Variants in JAK1 observed in about 807,000 individuals in gnomAD.
JAK1 encodes the protein tyrosine-protein kinase JAK1.
Under a neutral mutation model 136.6 loss-of-function variants are expected in JAK1, and 16 were observed. That is an observed-to-expected ratio of 0.12 (90% CI 0.08 to 0.18). JAK1 has a LOEUF of 0.18. JAK1 is among the 10% of genes least tolerant of loss of function. JAK1 has a pLI of 1.00. For synonymous variants in JAK1, 492 were observed against 519.5 expected (o/e 0.95, Z 0.72); for missense variants, 859 against 1,450.1 (o/e 0.59, Z 6.62).
At chr1:64,846,007 G>A (rs1278548603) in intron 14 of JAK1, among the ~76,000 whole-genome samples, 1 of 152,234 alleles carries the variant, frequency 6.6e-6, no homozygotes, top group African/African-American at 2.4e-5. Flanking sequence ...GTGATGCAGA[G>A]GTCAGGCCGC....
At chr1:64,942,534 T>C (rs1446617672) in intron 1 of JAK1, among the ~76,000 whole-genome samples, 1 of 152,246 alleles carries the variant, frequency 6.6e-6, no homozygotes, top group Non-Finnish European at 1.5e-5. Flanking sequence ...AAACTGATCT[T>C]ACATGGAAAA....
intron 7 of JAK1, 111 bp from the exon 8 acceptor site, chr1:64,865,083 AG>A: frequency 1.3e-6 from 1 of 798,034 alleles, no homozygotes; most frequent in South Asian, 1.8e-5. Context: ...AGGAAGAGAA[AG>A]CCAGCTCTTC....
rs9782884 is a variant in JAK1, at chr1:65,033,540, G to C, written c.-78+10940C>G. Among the ~76,000 whole-genome samples, 1,380 of 151,838 alleles carry C rather than the reference G, an allele frequency of 9.1e-3. 15 individuals are homozygous for C. Among genetic ancestry groups the C allele is most frequent in the African/African-American group, 0.032 (1,313 of 41,390 alleles). On this transcript the variant is annotated intron_variant, in intron 2 of 25. Coordinates refer to the JAK1 transcript ENST00000671954. ...CTGAATACAACTCTTAAATTATATA[G>C]TATCTGATTTCATGAACAAATTCAG... is the stretch of plus-strand genomic sequence containing the variant.
At chr1:64,919,826 A>C (rs1645464637) in intron 1 of JAK1, among the ~76,000 whole-genome samples, 1 of 152,082 alleles carries the variant, frequency 6.6e-6, no homozygotes, top group African/African-American at 2.4e-5. Flanking sequence ...TACTATAAAA[A>C]CAATAATGGT....
At chr1:65,011,756 T>C (rs78693554) in intron 2 of JAK1, among the ~76,000 whole-genome samples, 1,625 of 152,246 alleles carry the variant, frequency 0.011, 30 homozygotes, top group African/African-American at 0.037. Context: ...CTCTTCCTGT[T>C]CTAGTGGATG....
Position 64,844,030 on chromosome 1 carries a change from C to A in JAK1, c.2403+34G>T, listed in dbSNP as rs1408364670. On this transcript the variant is annotated intron_variant, in intron 17 of 24. Transcript: ENST00000342505. This position sits in a 1 kb window ranked among gnomAD's most constrained non-coding sequence, Gnocchi z 5.7. ...AAGCCCACGAGCACCTGAAAGCCCTCACTTGCCTCACGCCCCGGGAAACAC... is the reference window on the plus strand; with the variant it reads ...AAGCCCACGAGCACCTGAAAGCCCTAACTTGCCTCACGCCCCGGGAAACAC... 6.2e-7 allele frequency: 1 copy of A among 1,611,828 alleles called. No individual in the cohort carries two copies. Among genetic ancestry groups the A allele is most frequent in the Non-Finnish European group, 8.5e-7 (1 of 1,179,138 alleles).
At chr1:64,931,957 G>C (rs1004719699) in intron 1 of JAK1, among the ~76,000 whole-genome samples, 1 of 141,964 alleles carries the variant, frequency 7.0e-6, no homozygotes, top group African/African-American at 3.0e-5. Flanking sequence ...TAAAAAAGGA[G>C]GGGGGGGGAT....
chr1:64,921,626 A>G (rs1406075858), intron 1 of JAK1, among the ~76,000 whole-genome samples: 1 of 152,166 alleles, frequency 6.6e-6, no homozygotes, highest in Non-Finnish European at 1.5e-5. Flanking sequence ...CAGCTCATCT[A>G]AAACCAAAAA....
At chr1:64,936,663 T>A (rs1257911390) in intron 1 of JAK1, among the ~76,000 whole-genome samples, 1 of 152,194 alleles carries the variant, frequency 6.6e-6, no homozygotes, top group African/African-American at 2.4e-5. Flanking sequence ...CTCCACCACT[T>A]ACTAGCTCTG....
chr1:64,995,056 T>C (rs1174221719), intron 2 of JAK1: 1 of 152,058 alleles, frequency 6.6e-6, no homozygotes, highest in Non-Finnish European at 1.5e-5. Flanking sequence ...GTCTTTATTT[T>C]AGGCTGTTGA....
At chr1:65,058,557 T>C in intron 1 of JAK1, 1 of 527,264 alleles carries the variant, frequency 1.9e-6, no homozygotes, top group South Asian at 1.4e-5. Flanking sequence ...GGTGGCTGCA[T>C]TACTCTCTCT....
chr1:64,847,948 A>C, intron 12 of JAK1: 2 of 441,474 alleles, frequency 4.5e-6, no homozygotes, highest in African/African-American at 2.0e-5. Flanking sequence ...CTTTGGCCAA[A>C]ACACAGTCCT....
rs552769518 is a variant in JAK1, at chr1:64,874,852, G to A, written c.330-1329C>T. Among the ~76,000 whole-genome samples the A allele has an allele frequency of 5.9e-5, 9 of 152,270 alleles. No individual in the cohort carries two copies. In the South Asian group the frequency reaches 1.9e-3, roughly 32 times the overall value. On this transcript the variant is annotated intron_variant, in intron 4 of 24. Coordinates refer to ENST00000342505, the MANE Select transcript of JAK1 (RefSeq NM_002227.4). ...AAGACAAGCCAGGCCCTGAGTTAGG[G>A]CCTGAGATGTGGAGGGCTCTCAGGC...
intron 2 of JAK1, among the ~76,000 whole-genome samples, chr1:65,013,867 A>G (rs966776333): frequency 7.2e-5 from 11 of 152,222 alleles, no homozygotes; most frequent in Admixed American, 6.5e-4. Flanking sequence ...TCAGACACAG[A>G]TTATAAAATT....
chr1:64,898,238 T>G (rs1330644440), intron 1 of JAK1, among the ~76,000 whole-genome samples: 1 of 152,238 alleles, frequency 6.6e-6, no homozygotes, highest in African/African-American at 2.4e-5. Flanking sequence ...AACATTCTGC[T>G]GCTGGTGACT....
intron 14 of JAK1, 45 bp downstream of exon 14, chr1:64,846,604 C>T: frequency 6.9e-7 from 1 of 1,459,272 alleles, no homozygotes; most frequent in Non-Finnish European, 9.6e-7. Flanking sequence ...AGCACCCAAG[C>T]TCCCCAGCCA....
chr1:64,848,395 C>T (rs3790535), intron 12 of JAK1, among the ~76,000 whole-genome samples: 18,281 of 152,198 alleles, frequency 0.12, 1,224 homozygotes, highest in East Asian at 0.31. Context: ...TGTGCATGCA[C>T]GCTAGGATTT....
chr1:64,978,916 G>A (rs936438012), intron 2 of JAK1, among the ~76,000 whole-genome samples: 1 of 150,420 alleles, frequency 6.6e-6, no homozygotes, highest in Non-Finnish European at 1.5e-5. Context: ...TATCTCCTTA[G>A]TTTGGATCAC....
intron 1 of JAK1, among the ~76,000 whole-genome samples, chr1:65,052,667 A>G (rs188523361): frequency 3.2e-4 from 48 of 152,058 alleles, no homozygotes; most frequent in African/African-American, 1.1e-3. Flanking sequence ...CAAAAAACTT[A>G]GCCGGGTGTG....
Sources: gnomAD v4.1 joint callset for allele counts (sites outside exome capture counted in the v4.1 genomes callset) on GRCh38, gnomAD v4.1.1 for gene constraint, Gnocchi (gnomAD v3.1) non-coding constraint, MANE v1.5 for transcripts, NCBI Gene and HGNC (gene_info 2026-07-23, HGNC 2026-07-21) for gene names.